The following CPLANE1 variants were observed in gnomAD, a reference collection of about 807,000 sequenced individuals.
CPLANE1 encodes the protein ciliogenesis and planar polarity effector complex subunit 1.
CPLANE1 carries 263 observed loss-of-function variants against 362.5 expected under a neutral mutation model. That is an observed-to-expected ratio of 0.73 (90% CI 0.66 to 0.80). CPLANE1 has a LOEUF of 0.80. CPLANE1 is among the 30% of genes least tolerant of loss of function. CPLANE1 has a pLI of 0.00. For missense variants in CPLANE1, 3,461 were observed against 3,793.4 expected (o/e 0.91, Z 2.30); for synonymous variants, 1,212 against 1,302.6 (o/e 0.93, Z 1.50).
intron 28 of CPLANE1, 149 bp from the exon 29 acceptor site, chr5:37,179,592 G>A (rs1023768378): frequency 6.5e-6 from 4 of 616,284 alleles, no homozygotes; most frequent in African/African-American, 1.9e-5. Flanking sequence ...AAAACACCTG[G>A]AGTCTATTCC....
Position 37,209,759 on chromosome 5 carries a change from T to A in CPLANE1, c.2921-3334A>T. On this transcript the variant is annotated intron_variant, in intron 16 of 52. Transcript: ENST00000651892. The surrounding 1 kb of genome is among the most constrained non-coding windows in gnomAD (Gnocchi z 4.6). ...ACAAATCACTGGTTTCAGGAGCTGA[T>A]AAAGAAAACCAAAAAGGTTTTCTTA... The A allele has an allele frequency of 2.4e-6, 3 of 1,245,920 alleles. No homozygotes were observed. The highest frequency in any genetic ancestry group is 4.6e-5 in the East Asian group (2 of 43,014). The allele number at this position is 1,245,920 out of a possible 1,614,324, so 77.2% of individuals were successfully genotyped here.
chr5:37,238,781 G>T, intron 8 of CPLANE1, 76 bp downstream of exon 8: 1 of 730,066 alleles, frequency 1.4e-6, no homozygotes, highest in Non-Finnish European at 2.1e-6. Context: ...TTACAGGTGT[G>T]AGCTACCACA....
chr5:37,180,261 T>TTG, intron 27 of CPLANE1, 78 bp from the exon 28 acceptor site: 1 of 649,770 alleles, frequency 1.5e-6, no homozygotes, highest in Non-Finnish European at 2.2e-6. Context: ...TTTTTTTTTG[T>TTG]TTTTTTTTTT....
intron 43 of CPLANE1, among the ~76,000 whole-genome samples, chr5:37,145,503 A>ATAC (rs1268065935): frequency 6.6e-6 from 1 of 152,100 alleles, no homozygotes; most frequent in East Asian, 1.9e-4. Context: ...TGATGATAGC[A>ATAC]TACTACAACC....
chr5:37,206,614 G>A (rs148517805), intron 16 of CPLANE1, among the ~76,000 whole-genome samples, 189 bp from the exon 17 acceptor site: 124 of 152,008 alleles, frequency 8.2e-4, no homozygotes, highest in African/African-American at 2.9e-3. Flanking sequence ...TGCCTCATTC[G>A]TGGGTCATGA....
Position 37,187,586 on chromosome 5 carries a change from G to A in CPLANE1, c.3922-14C>T. 6.3e-7 allele frequency: 1 copy of A among 1,595,916 alleles called. No individual in the cohort carries two copies. Among genetic ancestry groups the A allele is most frequent in the South Asian group, 1.1e-5 (1 of 87,676 alleles). ...CACTTCAAGGTCCTAAAAGGATATT[G>A]AAAAACATTCATTTCCTTTTTAGTT... On this transcript the variant is annotated splice_polypyrimidine_tract_variant and intron_variant, in intron 22 of 52. Coordinates refer to ENST00000651892, the MANE Select transcript of CPLANE1 (RefSeq NM_001384732.1).
At chr5:37,136,851 G>C (rs1170340855) in intron 46 of CPLANE1, among the ~76,000 whole-genome samples, 2 of 152,206 alleles carry the variant, frequency 1.3e-5, no homozygotes, top group African/African-American at 2.4e-5. Flanking sequence ...AGGATGCAGG[G>C]CACCAAGTCC....
intron 4 of CPLANE1, among the ~76,000 whole-genome samples, chr5:37,245,081 G>A (rs1739096191): frequency 6.6e-6 from 1 of 151,686 alleles, no homozygotes; most frequent in Non-Finnish European, 1.5e-5. Context: ...GGACCCCGGA[G>A]GCGAGTGAGC....
At chr5:37,191,270 C>T (rs952732161) in intron 21 of CPLANE1, among the ~76,000 whole-genome samples, 1 of 152,148 alleles carries the variant, frequency 6.6e-6, no homozygotes, top group African/African-American at 2.4e-5. Flanking sequence ...CAGTAGCTCA[C>T]ACCTGTAATC....
At chr5:37,211,784 C>T in intron 16 of CPLANE1, 1 of 798,428 alleles carries the variant, frequency 1.3e-6, no homozygotes, top group Non-Finnish European at 2.3e-6. Context: ...AACTTCAAGA[C>T]AAAAGTGAAT....
In CPLANE1 at chr5:37,179,447, G is replaced by A. The variant is rs1451642095; in HGVS notation, c.5738-4C>T. 1.4e-5 allele frequency: 22 copies of A among 1,603,072 alleles called. No individual in the cohort carries two copies. The highest frequency in any genetic ancestry group is 1.9e-5 in the Non-Finnish European group (22 of 1,173,632). ...CCAACAGATTCTTCAATGTCTTCTAGCGATAAGTGAAGATGAAGAGAAAAC... is the reference window on the plus strand; with the variant it reads ...CCAACAGATTCTTCAATGTCTTCTAACGATAAGTGAAGATGAAGAGAAAAC... On this transcript the variant is annotated splice_polypyrimidine_tract_variant and splice_region_variant and intron_variant, in intron 28 of 52. Coordinates refer to ENST00000651892, the MANE Select transcript of CPLANE1 (RefSeq NM_001384732.1).
rs1298325428 is a variant in CPLANE1, at chr5:37,239,863, C to T, written c.684G>A (p.Leu228=). ...HENVFTSVRS[L]PYHVHWAQQD... is the part of the protein sequence containing the mutation. The stretch of plus-strand genomic sequence containing the variant: ...GTTGAGCCCAATGAACATGGTATGG[C>T]AATGATCTAAAAAAGTAATGAAATA... Residue 228 remains leucine (L), a synonymous_variant, in exon 7 of 53, where the codon TTG becomes TTA. Coordinates refer to ENST00000651892, the MANE Select transcript of CPLANE1 (RefSeq NM_001384732.1). 6.8e-7 allele frequency: 1 copy of T among 1,467,670 alleles called. No individual in the cohort carries two copies. Among genetic ancestry groups the T allele is most frequent in the Admixed American group, 2.4e-5 (1 of 41,976 alleles). 90.9% of individuals were successfully genotyped at this position (1,467,670 alleles called of 1,614,324 possible).
At chr5:37,187,683 T>C (rs778148472) in intron 22 of CPLANE1, 50 bp downstream of exon 22, 21 of 1,562,016 alleles carry the variant, frequency 1.3e-5, no homozygotes, top group Non-Finnish European at 1.8e-5. Context: ...TAAACAATAA[T>C]TTCCCACTTA....
At chr5:37,248,579 C>A (rs1198531329) in intron 1 of CPLANE1, among the ~76,000 whole-genome samples, 1 of 152,048 alleles carries the variant, frequency 6.6e-6, no homozygotes, top group Non-Finnish European at 1.5e-5. Context: ...CAAGAGAGTT[C>A]GAGGCTGCAG....
chr5:37,241,542 T>C (rs1433971676), intron 6 of CPLANE1, among the ~76,000 whole-genome samples: 2 of 152,182 alleles, frequency 1.3e-5, no homozygotes, highest in African/African-American at 4.8e-5. Flanking sequence ...GTTCTATAAT[T>C]GATCCAAGTG....
At chr5:37,157,104 T>A (rs550976229) in intron 41 of CPLANE1, among the ~76,000 whole-genome samples, 1 of 152,224 alleles carries the variant, frequency 6.6e-6, no homozygotes, top group Non-Finnish European at 1.5e-5. Context: ...AAAAGACATA[T>A]GCATAAACAG....
At chr5:37,205,919 G>A (rs1790594501) in intron 17 of CPLANE1, among the ~76,000 whole-genome samples, 1 of 152,114 alleles carries the variant, frequency 6.6e-6, no homozygotes, top group Non-Finnish European at 1.5e-5. Context: ...CCACTGAGCT[G>A]TTCAATACAG....
chr5:37,209,392 TG>T lies in CPLANE1; in HGVS notation c.2921-2968del. 1 of 1,219,140 alleles carries T rather than the reference TG, an allele frequency of 8.2e-7. No individual in the cohort carries two copies. Among genetic ancestry groups the T allele is most frequent in the Non-Finnish European group, 1.2e-6 (1 of 822,612 alleles). The allele number at this position is 1,219,140 out of a possible 1,614,324, so 75.5% of individuals were successfully genotyped here. On this transcript the variant is annotated intron_variant, in intron 16 of 52. Transcript: ENST00000651892. The surrounding 1 kb of genome is among the most constrained non-coding windows in gnomAD (Gnocchi z 4.6). The stretch of plus-strand genomic sequence containing the variant: ...ATGGCTCAGTCCAACATGCTCCCCG[TG>T]GCTGATGTGTTGAGTCAAAATGAAC...
the CPLANE1 span, among the ~76,000 whole-genome samples, chr5:37,084,854 C>A: frequency 6.6e-6 from 1 of 151,682 alleles, no homozygotes; most frequent in Non-Finnish European, 1.5e-5. Context: ...TCACCTGCTG[C>A]CTTCAAGAGA....
Sources: allele counts gnomAD v4.1 joint callset (sites outside exome capture counted in the v4.1 genomes callset), GRCh38; gene constraint gnomAD v4.1.1; non-coding constraint Gnocchi (gnomAD v3.1); transcripts MANE v1.5; gene names NCBI Gene and HGNC (gene_info 2026-07-23, HGNC 2026-07-21).